The following CREBRF variants were observed in gnomAD, a reference collection of about 807,000 sequenced individuals.
The protein encoded by CREBRF is UPF0474 protein C5orf41.
CREBRF carries 5 observed loss-of-function variants against 66.1 expected under a neutral mutation model. The ratio of observed to expected loss-of-function variants is 0.08; its 90% CI spans 0.04 to 0.16. CREBRF has a LOEUF of 0.16. CREBRF is among the 10% of genes least tolerant of loss of function. The probability of loss-of-function intolerance (pLI) is 1.00; values close to 1 mark genes in which losing one functional copy is unlikely to be tolerated. For missense variants in CREBRF, 531 were observed against 744.9 expected, an observed-to-expected ratio of 0.71 and a Z score of 3.34; for synonymous variants, 229 against 264.4, an observed-to-expected ratio of 0.87 and a Z score of 1.30.
At chr5:173,081,139 T>C (rs1013556061) in intron 2 of CREBRF, among the ~76,000 whole-genome samples, 2 of 152,192 alleles carry the variant, frequency 1.3e-5, no homozygotes, top group African/African-American at 4.8e-5. Context: ...CTTTCATTTA[T>C]GCTAGCTGAA....
At chr5:173,105,258 C>T (rs950625565) in intron 4 of CREBRF, among the ~76,000 whole-genome samples, 4 of 146,914 alleles carry the variant, frequency 2.7e-5, no homozygotes, top group African/African-American at 1.0e-4. Context: ...TGTGTGTGTA[C>T]ACACACAGCT....
At chr5:173,092,401 A>G (rs552069607) in intron 4 of CREBRF, 4 of 985,454 alleles carry the variant, frequency 4.1e-6, no homozygotes, top group Admixed American at 1.2e-4. Context: ...CTCTGGGGGA[A>G]CTGGTTCACT....
chr5:173,096,694 T>C (rs1435362352), intron 4 of CREBRF, among the ~76,000 whole-genome samples: 3 of 151,990 alleles, frequency 2.0e-5, no homozygotes, highest in African/African-American at 7.3e-5. Flanking sequence ...GTGTTAGCTA[T>C]GGGTTTGTCG....
At chr5:173,098,344 G>A (rs1386561624) in intron 4 of CREBRF, among the ~76,000 whole-genome samples, 1 of 151,946 alleles carries the variant, frequency 6.6e-6, no homozygotes, top group Non-Finnish European at 1.5e-5. Flanking sequence ...CCGCCACTAC[G>A]CCTGGCTAAT....
chr5:173,067,441 A>G (rs1205721277), intron 1 of CREBRF, among the ~76,000 whole-genome samples: 1 of 152,170 alleles, frequency 6.6e-6, no homozygotes, highest in Non-Finnish European at 1.5e-5. Flanking sequence ...TAGAGAGCAC[A>G]GGCCAATTTA....
At chr5:173,056,518 C>T (rs1450307425) in intron 1 of CREBRF, 39 bp downstream of exon 1, 2 of 397,944 alleles carry the variant, frequency 5.0e-6, no homozygotes, top group Admixed American at 8.8e-5. Flanking sequence ...CCCCAGGGGC[C>T]TGGGCTGGGG....
intron 1 of CREBRF, among the ~76,000 whole-genome samples, chr5:173,058,428 A>G (rs10054054): frequency 0.13 from 19,965 of 152,054 alleles, 2,211 homozygotes; most frequent in African/African-American, 0.29. Context: ...AATTTGCATT[A>G]TCTTCTATTT....
intron 6 of CREBRF, among the ~76,000 whole-genome samples, chr5:173,111,664 A>C (rs1487812380): frequency 6.6e-6 from 1 of 152,196 alleles, no homozygotes; most frequent in Non-Finnish European, 1.5e-5. Flanking sequence ...TCACCAGTTG[A>C]AGGGCATTTG....
chr5:173,071,843 C>T (rs1757607733), intron 1 of CREBRF, among the ~76,000 whole-genome samples: 1 of 151,596 alleles, frequency 6.6e-6, no homozygotes, highest in African/African-American at 2.4e-5. Flanking sequence ...TTGCTTGAGC[C>T]CAGGAGTTCG....
At position 173,090,345 on chromosome 5, in the gene CREBRF, A is replaced by G. The variant is rs558188397; in HGVS notation, c.166A>G (p.Arg56Gly). The change falls in exon 4 of 9, where the codon AGA (arginine) becomes GGA (glycine). Residue 56 changes from arginine to glycine, a missense_variant. Transcript: ENST00000296953. This position sits in a 1 kb window ranked among gnomAD's most constrained non-coding sequence, Gnocchi z 4.5. ...DREMNYQQNP[R>G]DNFLSLEDCK... ...AGAGATGAACTACCAACAGAATCCT[A>G]GAGACAACTTTCTTTCTTTGGAGGA... 1.2e-6 allele frequency: 2 copies of G among 1,602,412 alleles called. No individual in the cohort carries two copies. The highest frequency in any genetic ancestry group is 2.2e-5 in the East Asian group (1 of 44,496).
At chr5:173,069,329 T>G (rs1757533200) in intron 1 of CREBRF, among the ~76,000 whole-genome samples, 1 of 151,968 alleles carries the variant, frequency 6.6e-6, no homozygotes, top group Non-Finnish European at 1.5e-5. Context: ...AATGAAATTC[T>G]TTTTTTTAAA....
At chr5:173,110,495 C>G (rs1400831385) in intron 5 of CREBRF, 27 bp from the exon 6 acceptor site, 1 of 1,560,550 alleles carries the variant, frequency 6.4e-7, no homozygotes, top group Non-Finnish European at 8.8e-7. Flanking sequence ...AGTGATCTGA[C>G]TTAAACTTCT....
chr5:173,099,297 A>G (rs577213375), intron 4 of CREBRF, among the ~76,000 whole-genome samples: 1 of 152,184 alleles, frequency 6.6e-6, no homozygotes, highest in South Asian at 2.1e-4. Context: ...TTAGGACTAC[A>G]GGCATGCACC....
intron 7 of CREBRF, among the ~76,000 whole-genome samples, chr5:173,114,546 A>G (rs1344812620): frequency 6.6e-6 from 1 of 152,256 alleles, no homozygotes; most frequent in Non-Finnish European, 1.5e-5. Flanking sequence ...AGTATTAAAA[A>G]TTTGAGAAGG....
At chr5:173,115,461 G>T (rs1758967084) in intron 7 of CREBRF, among the ~76,000 whole-genome samples, 1 of 152,102 alleles carries the variant, frequency 6.6e-6, no homozygotes, top group South Asian at 2.1e-4. Context: ...GAATATGGGA[G>T]AACCCCATTG....
intron 7 of CREBRF, among the ~76,000 whole-genome samples, chr5:173,122,247 A>G (rs1759153613): frequency 1.3e-5 from 2 of 151,888 alleles, no homozygotes; most frequent in Admixed American, 1.3e-4. Context: ...GACTATAGGC[A>G]CATGCCACCA....
intron 8 of CREBRF, among the ~76,000 whole-genome samples, chr5:173,128,904 C>T (rs528693802): frequency 7.3e-5 from 11 of 151,368 alleles, no homozygotes; most frequent in South Asian, 2.1e-4. Flanking sequence ...CCTCAGCCGC[C>T]GGAGTAGCTG....
intron 1 of CREBRF, among the ~76,000 whole-genome samples, chr5:173,061,800 G>T (rs1170426194): frequency 6.6e-6 from 1 of 152,184 alleles, no homozygotes; most frequent in Non-Finnish European, 1.5e-5. Context: ...ATGTCAAGTC[G>T]TGCTAAGTGC....
chr5:173,098,836 T>C (rs1435740127), intron 4 of CREBRF, among the ~76,000 whole-genome samples: 3 of 152,214 alleles, frequency 2.0e-5, no homozygotes, highest in Non-Finnish European at 4.4e-5. Flanking sequence ...TTTATTATTA[T>C]ATAAAGACCT....
Sources: allele counts gnomAD v4.1 joint callset (sites outside exome capture counted in the v4.1 genomes callset), GRCh38; gene constraint gnomAD v4.1.1; non-coding constraint Gnocchi (gnomAD v3.1); transcripts MANE v1.5; gene names NCBI Gene and HGNC (gene_info 2026-07-23, HGNC 2026-07-21).